Variants in ST18 observed in about 807,000 individuals in gnomAD.
ST18 encodes suppression of tumorigenicity 18 protein.
A neutral mutation model predicts 110.0 loss-of-function variants in ST18; 50 were observed. The observed-to-expected ratio is 0.45, with a 90% CI of 0.36 to 0.58. ST18 has a LOEUF of 0.58. Ranked by LOEUF, ST18 falls within the 20% of genes least tolerant of loss-of-function variation. The pLI, the probability that ST18 is intolerant of heterozygous loss-of-function variation, is 0.00. For missense variants in ST18, 1,306 were observed against 1,280.1 expected (o/e 1.02, Z -0.31); for synonymous variants, 461 against 452.4 (o/e 1.02, Z -0.24).
At chr8:52,189,411 C>T (rs1184413287) in intron 8 of ST18, among the ~76,000 whole-genome samples, 1 of 152,134 alleles carries the variant, frequency 6.6e-6, no homozygotes, top group African/African-American at 2.4e-5. Context: ...ACTGCCATTA[C>T]AAAGGATAAA....
intron 2 of ST18, among the ~76,000 whole-genome samples, chr8:52,301,569 A>T (rs927894034): frequency 1.3e-5 from 2 of 152,240 alleles, no homozygotes; most frequent in African/African-American, 2.4e-5. Context: ...AATATGATAT[A>T]TAAAAAAGTG....
chr8:52,184,576 A>C (rs943315526), intron 8 of ST18, among the ~76,000 whole-genome samples: 1 of 152,226 alleles, frequency 6.6e-6, no homozygotes, highest in Non-Finnish European at 1.5e-5. Context: ...TCAATTCTGC[A>C]CTGGAAGTAT....
intron 8 of ST18, among the ~76,000 whole-genome samples, chr8:52,186,604 A>G (rs2072344052): frequency 6.6e-6 from 1 of 152,188 alleles, no homozygotes. Context: ...CACAAAAGGT[A>G]TGTTCAATAA....
chr8:52,292,045 G>A (rs1212870523), intron 2 of ST18, among the ~76,000 whole-genome samples: 5 of 152,112 alleles, frequency 3.3e-5, no homozygotes, highest in Non-Finnish European at 7.4e-5. Context: ...AAAGTGCTGG[G>A]ATTACAGACC....
chr8:52,188,572 T>C (rs1462795687), intron 8 of ST18, among the ~76,000 whole-genome samples: 3 of 152,206 alleles, frequency 2.0e-5, no homozygotes, highest in African/African-American at 7.2e-5. Flanking sequence ...TACGTTGTAG[T>C]GTTTTGATAG....
intron 2 of ST18, among the ~76,000 whole-genome samples, chr8:52,396,823 C>G (rs770528193): frequency 1.6e-4 from 24 of 152,304 alleles, no homozygotes; most frequent in Non-Finnish European, 2.5e-4. Flanking sequence ...GGTGGGGACA[C>G]AGAGCCAGAC....
intron 2 of ST18, among the ~76,000 whole-genome samples, chr8:52,283,471 A>G (rs1268864172): frequency 3.3e-5 from 5 of 152,196 alleles, no homozygotes; most frequent in Non-Finnish European, 7.3e-5. Context: ...GAAGGAAGGA[A>G]GAGCCAGTGA....
intron 2 of ST18, among the ~76,000 whole-genome samples, chr8:52,388,349 C>T (rs1837723599): frequency 6.6e-6 from 1 of 152,096 alleles, no homozygotes; most frequent in Admixed American, 6.5e-5. Context: ...ACGTGAGTCC[C>T]CTTTCCTCCG....
At chr8:52,184,394 TA>T (rs1230624647) in intron 8 of ST18, among the ~76,000 whole-genome samples, 2 of 152,224 alleles carry the variant, frequency 1.3e-5, no homozygotes, top group Non-Finnish European at 2.9e-5. Context: ...AAAATCTATT[TA>T]AAAGATCTGT....
At chr8:52,326,779 G>A (rs1438873034) in intron 2 of ST18, among the ~76,000 whole-genome samples, 1 of 152,196 alleles carries the variant, frequency 6.6e-6, no homozygotes, top group African/African-American at 2.4e-5. Flanking sequence ...ATATGTGTCA[G>A]AACTCTGGAA....
At chr8:52,178,638 A>AAC (rs2067972806) in intron 9 of ST18, among the ~76,000 whole-genome samples, 2 of 132,452 alleles carry the variant, frequency 1.5e-5, no homozygotes, top group South Asian at 2.3e-4. Flanking sequence ...AAAAAAAAAA[A>AAC]AAAAACCACC....
intron 2 of ST18, among the ~76,000 whole-genome samples, chr8:52,348,272 G>A (rs1818637353): frequency 6.6e-6 from 1 of 152,328 alleles, no homozygotes; most frequent in South Asian, 2.1e-4. Context: ...GCAAGTGGAT[G>A]CCTCAGATAA....
In ST18 at chr8:52,191,491, G is replaced by A. The variant is rs573175410; in HGVS notation, c.87-11179C>T. Among the ~76,000 whole-genome samples, 3 of 152,278 alleles carry A rather than the reference G, an allele frequency of 2.0e-5. No individual in the cohort carries two copies. The East Asian group carries it at 5.8e-4, about 29-fold the overall frequency. ...GGGAACAAGCAAGCCATATGAGCAG[G>A]CAGCCCAGACCTGTGACATCCACCA... On this transcript the variant is annotated intron_variant, in intron 8 of 25. Transcript: ENST00000689386.
chr8:52,177,578 A>G (rs893263950), intron 9 of ST18, among the ~76,000 whole-genome samples: 4 of 152,124 alleles, frequency 2.6e-5, no homozygotes, highest in Non-Finnish European at 5.9e-5. Flanking sequence ...GCAACTTAGA[A>G]TCTTTGTTCT....
At chr8:52,181,903 A>G (rs1333582308) in intron 8 of ST18, among the ~76,000 whole-genome samples, 3 of 152,142 alleles carry the variant, frequency 2.0e-5, no homozygotes, top group African/African-American at 4.8e-5. Flanking sequence ...GGCAGAAGAA[A>G]CAGATCAAAG....
intron 2 of ST18, among the ~76,000 whole-genome samples, chr8:52,299,143 T>C (rs2095677442): frequency 6.6e-6 from 1 of 152,174 alleles, no homozygotes; most frequent in Non-Finnish European, 1.5e-5. Flanking sequence ...CAGATTTATA[T>C]ACATATATAT....
intron 2 of ST18, among the ~76,000 whole-genome samples, chr8:52,350,872 C>T (rs1056254144): frequency 1.3e-5 from 2 of 152,186 alleles, no homozygotes; most frequent in South Asian, 4.2e-4. Flanking sequence ...AGGCGTGTGC[C>T]ACCACGCCCA....
chr8:52,227,761 C>G (rs933416735), intron 3 of ST18, among the ~76,000 whole-genome samples: 1 of 152,132 alleles, frequency 6.6e-6, no homozygotes, highest in African/African-American at 2.4e-5. Context: ...TTGACAGCAT[C>G]GCCCAGAATT....
chr8:52,335,484 A>G (rs1016711778), intron 2 of ST18, among the ~76,000 whole-genome samples: 1 of 152,218 alleles, frequency 6.6e-6, no homozygotes, highest in Non-Finnish European at 1.5e-5. Flanking sequence ...TTGCATATAC[A>G]TAATAAGATA....
Sources: allele counts gnomAD v4.1 joint callset (sites outside exome capture counted in the v4.1 genomes callset), GRCh38; gene constraint gnomAD v4.1.1; transcripts MANE v1.5; gene names NCBI Gene and HGNC (gene_info 2026-07-23, HGNC 2026-07-21).